CTNNA2: variants seen among roughly 807,000 people sequenced by gnomAD.
CTNNA2 encodes the protein catenin alpha 2.
A neutral mutation model predicts 101.0 loss-of-function variants in CTNNA2; 42 were observed. The ratio of observed to expected loss-of-function variants is 0.42; its 90% CI spans 0.32 to 0.54. The LOEUF (loss-of-function observed/expected upper bound fraction) is 0.54. Ranked by LOEUF, CTNNA2 falls within the 20% of genes least tolerant of loss-of-function variation. The probability of loss-of-function intolerance (pLI) is 0.14; values close to 1 mark genes in which losing one functional copy is unlikely to be tolerated. For synonymous variants in CTNNA2, 450 were observed against 456.4 expected, an observed-to-expected ratio of 0.99 and a Z score of 0.18; for missense variants, 871 against 1,223.1, an observed-to-expected ratio of 0.71 and a Z score of 4.29.
intron 4 of CTNNA2, among the ~76,000 whole-genome samples, chr2:79,493,160 T>C (rs1057467044): frequency 6.7e-6 from 1 of 148,696 alleles, no homozygotes; most frequent in Non-Finnish European, 1.5e-5. Flanking sequence ...AACATCATAC[T>C]GGAAATTCTA....
chr2:80,302,322 C>T lies in CTNNA2; in HGVS notation c.1057-90889C>T. On this transcript the variant is annotated intron_variant, in intron 7 of 18. Transcript: ENST00000402739. This position sits in a 1 kb window ranked among gnomAD's most constrained non-coding sequence, Gnocchi z 6.4. Reference sequence around the variant, plus strand: ...CCATACTCGTTGATGATCACCAGGGCTCCCTCAATGTGGTTCGGTTTGTAA... The same window carrying T: ...CCATACTCGTTGATGATCACCAGGGTTCCCTCAATGTGGTTCGGTTTGTAA... 6.2e-7 allele frequency: 1 copy of T among 1,614,226 alleles called. No individual in the cohort carries two copies. Among genetic ancestry groups the T allele is most frequent in the African/African-American group, 1.3e-5 (1 of 75,064 alleles).
At chr2:80,116,392 A>G (rs1489795733) in intron 7 of CTNNA2, among the ~76,000 whole-genome samples, 1 of 152,024 alleles carries the variant, frequency 6.6e-6, no homozygotes, top group African/African-American at 2.4e-5. Context: ...AAAAAAAAAA[A>G]AAGAACGACA....
chr2:79,215,673 C>T (rs1674245698), intron 2 of CTNNA2, among the ~76,000 whole-genome samples: 1 of 152,086 alleles, frequency 6.6e-6, no homozygotes, highest in Admixed American at 6.6e-5. Context: ...AGAGCCTAAA[C>T]GCTCTCTGAT....
intron 9 of CTNNA2, among the ~76,000 whole-genome samples, chr2:80,507,867 G>C (rs530563956): frequency 3.9e-5 from 6 of 152,274 alleles, no homozygotes; most frequent in African/African-American, 1.2e-4. Flanking sequence ...TGGCTGTCAA[G>C]GTAGGCAGAC....
At chr2:79,245,501 A>AT (rs1558585377) in intron 2 of CTNNA2, among the ~76,000 whole-genome samples, 1 of 152,162 alleles carries the variant, frequency 6.6e-6, no homozygotes, top group African/African-American at 2.4e-5. Context: ...TCTTTTTGCA[A>AT]TGAGTCTGTG....
chr2:80,404,180 A>G (rs1678838021), intron 8 of CTNNA2, among the ~76,000 whole-genome samples: 1 of 152,038 alleles, frequency 6.6e-6, no homozygotes, highest in South Asian at 2.1e-4. Context: ...TTTCTAGTTT[A>G]TTTGCATAGG....
At chr2:79,446,146 G>A (rs1031561966) in intron 4 of CTNNA2, among the ~76,000 whole-genome samples, 1 of 151,840 alleles carries the variant, frequency 6.6e-6, no homozygotes, top group African/African-American at 2.4e-5. Context: ...CCATAAAGAG[G>A]TCCCTGAGAT....
chr2:80,295,785 G>A (rs1450997802), intron 7 of CTNNA2, among the ~76,000 whole-genome samples: 5 of 152,164 alleles, frequency 3.3e-5, no homozygotes, highest in African/African-American at 4.8e-5. Flanking sequence ...CTTCCAGAGC[G>A]CTTACTTGAC....
intron 1 of CTNNA2, among the ~76,000 whole-genome samples, chr2:79,602,715 G>GAATCAAAGA (rs1409063043): frequency 1.8e-4 from 27 of 152,190 alleles, no homozygotes. Flanking sequence ...TTGAAACAAA[G>GAATCAAAGA]AATCAAAGAC....
intron 7 of CTNNA2, among the ~76,000 whole-genome samples, chr2:80,120,520 A>G (rs73940952): frequency 0.03 from 4,524 of 152,268 alleles, 215 homozygotes; most frequent in African/African-American, 0.1. Context: ...TAAGAGTTGC[A>G]TGGGGATCAG....
intron 6 of CTNNA2, among the ~76,000 whole-genome samples, chr2:79,875,889 T>C (rs1296143725): frequency 6.6e-6 from 1 of 152,062 alleles, no homozygotes; most frequent in African/African-American, 2.4e-5. Flanking sequence ...TTATATAACA[T>C]AAATATACAA....
intron 4 of CTNNA2, among the ~76,000 whole-genome samples, chr2:79,389,634 C>T (rs1444208980): frequency 6.6e-6 from 1 of 152,118 alleles, no homozygotes; most frequent in Non-Finnish European, 1.5e-5. Flanking sequence ...GTGTCATGCA[C>T]AGAAAATGAG....
chr2:80,595,222 C>G (rs1169995095), intron 15 of CTNNA2, among the ~76,000 whole-genome samples: 1 of 152,018 alleles, frequency 6.6e-6, no homozygotes, highest in Admixed American at 6.6e-5. Context: ...TAAGCTTATT[C>G]CTAAACATTT....
At chr2:79,996,304 G>C (rs1358041157) in intron 7 of CTNNA2, among the ~76,000 whole-genome samples, 1 of 152,140 alleles carries the variant, frequency 6.6e-6, no homozygotes, top group Non-Finnish European at 1.5e-5. Context: ...GCATCCTAGT[G>C]AGTTTGTCCT....
At chr2:80,231,279 A>G (rs1709195599) in intron 7 of CTNNA2, among the ~76,000 whole-genome samples, 1 of 151,816 alleles carries the variant, frequency 6.6e-6, no homozygotes, top group Non-Finnish European at 1.5e-5. Flanking sequence ...GAGCCACCAC[A>G]CCCGGCCTGT....
intron 6 of CTNNA2, among the ~76,000 whole-genome samples, chr2:79,900,144 C>T (rs1329535784): frequency 6.6e-6 from 1 of 152,046 alleles, no homozygotes; most frequent in Non-Finnish European, 1.5e-5. Flanking sequence ...ATGATCATGC[C>T]TCATTGTCTA....
intron 7 of CTNNA2, among the ~76,000 whole-genome samples, chr2:79,972,056 T>G (rs643576): frequency 0.9 from 137,523 of 152,230 alleles, 62,280 homozygotes; most frequent in Non-Finnish European, 0.93. Flanking sequence ...CACTTCCAAA[T>G]CATTCTTTGG....
At chr2:79,336,533 C>CCACT (rs752144943) in intron 3 of CTNNA2, among the ~76,000 whole-genome samples, 93 of 152,292 alleles carry the variant, frequency 6.1e-4, no homozygotes, top group Admixed American at 3.6e-3. Context: ...TGAGGCCAGA[C>CCACT]CACTCATATG....
At chr2:79,600,031 TA>T (rs1558762143) in intron 1 of CTNNA2, among the ~76,000 whole-genome samples, 1 of 152,198 alleles carries the variant, frequency 6.6e-6, no homozygotes, top group African/African-American at 2.4e-5. Context: ...AAAGACAGAT[TA>T]GGCTAATTTT....
Sources: allele counts gnomAD v4.1 joint callset (sites outside exome capture counted in the v4.1 genomes callset), GRCh38; gene constraint gnomAD v4.1.1; non-coding constraint Gnocchi (gnomAD v3.1); transcripts MANE v1.5; gene names NCBI Gene and HGNC (gene_info 2026-07-23, HGNC 2026-07-21).